Variants in KIF18A observed in about 807,000 individuals in gnomAD.
KIF18A encodes kinesin-like protein KIF18A.
A neutral mutation model predicts 103.3 loss-of-function variants in KIF18A; 67 were observed. That is an observed-to-expected ratio of 0.65 (90% CI 0.53 to 0.79). KIF18A has a LOEUF of 0.79. Among genes scored for constraint, KIF18A ranks in the 30% least tolerant of loss-of-function variants. The pLI is 0.00. For missense variants in KIF18A, 1,032 were observed against 1,062.5 expected, an observed-to-expected ratio of 0.97 and a Z score of 0.40; for synonymous variants, 367 against 355.5, an observed-to-expected ratio of 1.03 and a Z score of -0.36.
chr11:28,065,941 C>T (rs1590690440), intron 11 of KIF18A, among the ~76,000 whole-genome samples: 1 of 152,066 alleles, frequency 6.6e-6, no homozygotes, highest in East Asian at 1.9e-4. Flanking sequence ...TATATGTACA[C>T]ATGGTTAAGA....
intron 2 of KIF18A, 93 bp from the exon 3 acceptor site, chr11:28,094,893 G>C: frequency 8.1e-7 from 1 of 1,231,226 alleles, no homozygotes; most frequent in East Asian, 2.3e-5. Flanking sequence ...TGGATATCCT[G>C]AACAGTATCT....
chr11:28,028,006 G>C (rs1244790592), intron 15 of KIF18A, among the ~76,000 whole-genome samples: 1 of 151,990 alleles, frequency 6.6e-6, no homozygotes, highest in Non-Finnish European at 1.5e-5. Flanking sequence ...TCATGGCCAA[G>C]TGGGATTTAT....
At chr11:28,103,817 C>G (rs146827002) in intron 1 of KIF18A, among the ~76,000 whole-genome samples, 1 of 151,922 alleles carries the variant, frequency 6.6e-6, no homozygotes, top group South Asian at 2.1e-4. Context: ...CAATGAGAAC[C>G]CTGAGGCATC....
At chr11:28,070,946 G>T (rs1355193232) in intron 10 of KIF18A, among the ~76,000 whole-genome samples, 2 of 152,198 alleles carry the variant, frequency 1.3e-5, no homozygotes, top group East Asian at 3.9e-4. Context: ...ACTTGGTGGG[G>T]TGGAGGGGCT....
At chr11:28,104,072 A>G (rs1324062849) in intron 1 of KIF18A, among the ~76,000 whole-genome samples, 1 of 152,226 alleles carries the variant, frequency 6.6e-6, no homozygotes, top group African/African-American at 2.4e-5. Context: ...CAAGTTGAAC[A>G]GGTCAATTTT....
At chr11:28,065,413 T>C (rs1850905168) in intron 11 of KIF18A, among the ~76,000 whole-genome samples, 1 of 152,108 alleles carries the variant, frequency 6.6e-6, no homozygotes, top group Non-Finnish European at 1.5e-5. Flanking sequence ...TCAAGTTATT[T>C]GTGATAAAAT....
At chr11:28,086,776 T>C (rs765502785) in intron 6 of KIF18A, among the ~76,000 whole-genome samples, 1 of 152,190 alleles carries the variant, frequency 6.6e-6, no homozygotes. Flanking sequence ...ATATTAAACA[T>C]TGACTCACAA....
intron 16 of KIF18A, among the ~76,000 whole-genome samples, chr11:28,022,811 G>GCTA (rs1850263729): frequency 6.6e-6 from 1 of 152,066 alleles, no homozygotes; most frequent in African/African-American, 2.4e-5. Context: ...GTAAACACTG[G>GCTA]CTACTACAGG....
At chr11:28,053,626 G>C (rs1850739767) in intron 13 of KIF18A, among the ~76,000 whole-genome samples, 1 of 145,506 alleles carries the variant, frequency 6.9e-6, no homozygotes, top group Non-Finnish European at 1.5e-5. Flanking sequence ...TTAACATTAG[G>C]TATACCTCCT....
intron 15 of KIF18A, among the ~76,000 whole-genome samples, chr11:28,024,770 G>A (rs1850292929): frequency 6.6e-6 from 1 of 151,844 alleles, no homozygotes; most frequent in Non-Finnish European, 1.5e-5. Flanking sequence ...ATTGGGGGGG[G>A]TTGGGTGGAA....
At position 28,083,238 on chromosome 11, in the gene KIF18A, C is replaced by T; in HGVS notation, c.1080G>A (p.Lys360=). ...NRAKDIKSSL[K]SNVLNVNNHI... ...GATTATTGACATTAAGAACATTGCTCTTCAACTGTTGAAAGATAGAAATTA... is the reference window on the plus strand; with the variant it reads ...GATTATTGACATTAAGAACATTGCTTTTCAACTGTTGAAAGATAGAAATTA... The change falls in exon 8 of 17, where the codon AAG becomes AAA. Residue 360 remains lysine (K), a synonymous_variant. Coordinates refer to ENST00000263181, the MANE Select transcript of KIF18A (RefSeq NM_031217.4). 1.9e-6 allele frequency: 3 copies of T among 1,550,864 alleles called. No homozygotes were observed. The highest frequency in any genetic ancestry group is 1.3e-5 in the South Asian group (1 of 79,784).
chr11:28,084,515 C>T, intron 7 of KIF18A, 117 bp downstream of exon 7: 2 of 763,952 alleles, frequency 2.6e-6, no homozygotes, highest in Non-Finnish European at 4.1e-6. Flanking sequence ...ACCCTTCTAA[C>T]CCTCAGCTGC....
chr11:28,071,161 C>A (rs1851008360), intron 10 of KIF18A, among the ~76,000 whole-genome samples: 1 of 152,170 alleles, frequency 6.6e-6, no homozygotes, highest in Non-Finnish European at 1.5e-5. Context: ...AGAGAGTTCA[C>A]AAGGTTAAAA....
At chr11:28,053,786 A>G (rs78407165) in intron 13 of KIF18A, among the ~76,000 whole-genome samples, 351 of 152,226 alleles carry the variant, frequency 2.3e-3, no homozygotes, top group Middle Eastern at 0.014. Flanking sequence ...TTTCAAGACT[A>G]GACATGAGCT....
chr11:28,106,653 G>A (rs961111367), intron 1 of KIF18A, among the ~76,000 whole-genome samples: 1 of 150,238 alleles, frequency 6.7e-6, no homozygotes, highest in African/African-American at 2.4e-5. Context: ...AAAATATTAT[G>A]TATTTGTAAA....
intron 11 of KIF18A, 22 bp from the exon 12 acceptor site, chr11:28,062,538 G>A: frequency 6.3e-7 from 1 of 1,592,258 alleles, no homozygotes; most frequent in East Asian, 2.3e-5. Context: ...AATACAAAAT[G>A]TACTTCAGAT....
intron 13 of KIF18A, among the ~76,000 whole-genome samples, chr11:28,047,402 T>C (rs765118216): frequency 3.2e-4 from 49 of 152,280 alleles, no homozygotes; most frequent in African/African-American, 9.9e-4. Flanking sequence ...GGGAATTATA[T>C]AGTTTAGCAA....
intron 1 of KIF18A, among the ~76,000 whole-genome samples, chr11:28,105,390 T>C (rs1851490927): frequency 6.6e-6 from 1 of 152,150 alleles, no homozygotes; most frequent in South Asian, 2.1e-4. Context: ...TAAAAATATA[T>C]ATATTGCTTA....
Position 28,108,052 on chromosome 11 carries a change from G to C in KIF18A, c.-47+12C>G. On this transcript the variant is annotated intron_variant, in intron 1 of 16. Transcript: ENST00000263181. ...AAGTCACCAAAAGGAGCGTCCCAGA[G>C]TCCAGTTTTACCTTCATGTGCCTCT... 6.6e-6 allele frequency: 1 copy of C among 152,304 alleles called. No homozygotes were observed. Among genetic ancestry groups the C allele is most frequent in the East Asian group, 1.9e-4 (1 of 5,192 alleles). 9.4% of individuals were successfully genotyped at this position (152,304 alleles called of 1,614,324 possible). A position where few individuals can be genotyped will look rare whatever the true frequency, so the allele number is the denominator to read the frequency against.
Sources: gnomAD v4.1 joint callset for allele counts (sites outside exome capture counted in the v4.1 genomes callset) on GRCh38, gnomAD v4.1.1 for gene constraint, MANE v1.5 for transcripts, NCBI Gene and HGNC (gene_info 2026-07-23, HGNC 2026-07-21) for gene names.